The following SPMIP4 variants were observed in gnomAD, a reference collection of about 807,000 sequenced individuals.
The protein encoded by SPMIP4 is sperm-associated microtubule inner protein 4.
At chr7:25,155,238 A>C in the SPMIP4 span, 9 of 1,472,022 alleles carry the variant, frequency 6.1e-6, no homozygotes, top group Non-Finnish European at 8.1e-6. Context: ...GAACAGAAAG[A>C]AGTATGGTTG....
chr7:25,126,361 A>G, the SPMIP4 span, among the ~76,000 whole-genome samples: 1 of 151,858 alleles, frequency 6.6e-6, no homozygotes, highest in Non-Finnish European at 1.5e-5. Flanking sequence ...TATTTTTAGT[A>G]GAGATGGGGT....
the SPMIP4 span, chr7:25,136,106 A>G: frequency 6.2e-7 from 1 of 1,614,184 alleles, no homozygotes; most frequent in Admixed American, 1.7e-5. The surrounding 1 kb of genome is among the most constrained non-coding windows in gnomAD (Gnocchi z 5.7). Flanking sequence ...TTTGAAAAAG[A>G]GTTCTTAAGC....
the SPMIP4 span, among the ~76,000 whole-genome samples, chr7:25,130,166 G>A: frequency 6.6e-6 from 1 of 151,980 alleles, no homozygotes; most frequent in Non-Finnish European, 1.5e-5. Context: ...TTGAACCTGG[G>A]AGGTGGAGGT....
the SPMIP4 span, among the ~76,000 whole-genome samples, chr7:25,160,925 T>C: frequency 1.3e-5 from 2 of 152,198 alleles, no homozygotes; most frequent in African/African-American, 4.8e-5. Flanking sequence ...TGGACCAAGA[T>C]AACTTTTAGG....
chr7:25,130,074 C>A, the SPMIP4 span, among the ~76,000 whole-genome samples: 58 of 151,694 alleles, frequency 3.8e-4, 1 homozygote, highest in Admixed American at 6.6e-5. Context: ...CCCGTCTCTA[C>A]TAAAAATACA....
At chr7:25,126,319 G>A in the SPMIP4 span, among the ~76,000 whole-genome samples, 1 of 152,130 alleles carries the variant, frequency 6.6e-6, no homozygotes, top group Non-Finnish European at 1.5e-5. Context: ...CTGGGACTAC[G>A]GGAGCAAACC....
the SPMIP4 span, among the ~76,000 whole-genome samples, chr7:25,164,689 C>A: frequency 6.8e-6 from 1 of 146,324 alleles, no homozygotes; most frequent in South Asian, 2.1e-4. Flanking sequence ...TGAATAAATT[C>A]TTTACTGGTG....
the SPMIP4 span, among the ~76,000 whole-genome samples, chr7:25,175,185 T>G: frequency 2.6e-5 from 4 of 152,154 alleles, no homozygotes; most frequent in African/African-American, 9.7e-5. Flanking sequence ...TCAGGTGATT[T>G]TGAAGTACCC....
chr7:25,179,762 T>C, the SPMIP4 span: 1 of 152,880 alleles, frequency 6.5e-6, no homozygotes. Context: ...AGAATCCCTT[T>C]GCAGATGGTG....
the SPMIP4 span, among the ~76,000 whole-genome samples, chr7:25,146,877 A>T: frequency 0.86 from 130,209 of 152,232 alleles, 55,850 homozygotes; most frequent in Non-Finnish European, 0.88. Flanking sequence ...AAGGTAGATT[A>T]CATCCTAGAG....
At chr7:25,134,630 GA>G in the SPMIP4 span, 1 of 967,732 alleles carries the variant, frequency 1.0e-6, no homozygotes, top group Non-Finnish European at 1.2e-6. Flanking sequence ...GCAACCCAGG[GA>G]AGCTGGGTAC....
chr7:25,134,852 A>G, the SPMIP4 span: 1 of 985,422 alleles, frequency 1.0e-6, no homozygotes, highest in African/African-American at 1.7e-5. Context: ...TGACCAAGGC[A>G]TGCAACTGAC....
the SPMIP4 span, among the ~76,000 whole-genome samples, chr7:25,127,138 TTTGA>T: frequency 6.6e-6 from 1 of 152,196 alleles, no homozygotes; most frequent in Non-Finnish European, 1.5e-5. Context: ...TCTTTGGGAG[TTTGA>T]TTATTAAATG....
At chr7:25,175,385 G>C in the SPMIP4 span, among the ~76,000 whole-genome samples, 2 of 152,090 alleles carry the variant, frequency 1.3e-5, no homozygotes, top group Non-Finnish European at 2.9e-5. Flanking sequence ...AGCCTCCCAA[G>C]TAGCTGGGAC....
the SPMIP4 span, among the ~76,000 whole-genome samples, chr7:25,166,394 T>C: frequency 2.6e-5 from 4 of 151,760 alleles, no homozygotes; most frequent in South Asian, 4.2e-4. Flanking sequence ...GAGACCATCC[T>C]GGCTAACACG....
chr7:25,171,297 T>C, the SPMIP4 span, among the ~76,000 whole-genome samples: 1 of 152,190 alleles, frequency 6.6e-6, no homozygotes, highest in Admixed American at 6.5e-5. Context: ...TGGCTCACTG[T>C]TGTAACCTTT....
At chr7:25,142,434 T>A in the SPMIP4 span, 1 of 963,616 alleles carries the variant, frequency 1.0e-6, no homozygotes, top group Non-Finnish European at 1.5e-6. Flanking sequence ...GTAATATAAT[T>A]AGAACCAATA....
At chr7:25,144,695 A>G in the SPMIP4 span, among the ~76,000 whole-genome samples, 1 of 152,230 alleles carries the variant, frequency 6.6e-6, no homozygotes, top group Non-Finnish European at 1.5e-5. Context: ...AAAGGGCCAC[A>G]GCCAGAGGAA....
At chr7:25,163,358 T>C in the SPMIP4 span, among the ~76,000 whole-genome samples, 3 of 152,148 alleles carry the variant, frequency 2.0e-5, no homozygotes, top group Admixed American at 1.3e-4. The surrounding 1 kb of genome is among the most constrained non-coding windows in gnomAD (Gnocchi z 4.4). Flanking sequence ...TAGACAAACA[T>C]AGATCTACAT....
Sources: allele counts gnomAD v4.1 joint callset (sites outside exome capture counted in the v4.1 genomes callset), GRCh38; gene constraint gnomAD v4.1.1; non-coding constraint Gnocchi (gnomAD v3.1); transcripts MANE v1.5; gene names NCBI Gene and HGNC (gene_info 2026-07-23, HGNC 2026-07-21).